DCAF5: variants seen among roughly 807,000 people sequenced by gnomAD.
DCAF5 encodes the protein DDB1 and CUL4 associated factor 5.
In DCAF5, 9 loss-of-function variants were observed where a neutral mutation model predicts 80.7. The ratio of observed to expected loss-of-function variants is 0.11; its 90% CI spans 0.07 to 0.19. DCAF5 has a LOEUF of 0.19. Among genes scored for constraint, DCAF5 ranks in the 10% least tolerant of loss-of-function variants. The probability of loss-of-function intolerance (pLI) is 1.00; values close to 1 mark genes in which losing one functional copy is unlikely to be tolerated. For missense variants in DCAF5, 842 were observed against 1,205.7 expected (o/e 0.70, Z 4.47); for synonymous variants, 433 against 461.9 (o/e 0.94, Z 0.80).
At chr14:69,136,535 A>AT (rs986973222) in intron 1 of DCAF5, among the ~76,000 whole-genome samples, 5 of 151,424 alleles carry the variant, frequency 3.3e-5, no homozygotes, top group African/African-American at 9.7e-5. Context: ...TCTTCTCGCT[A>AT]TTTTTTTTTA....
rs922653240 is a variant in DCAF5, at chr14:69,066,027, A to G, written c.947-3516T>C. ...ATAAATAAAATACCACATACCCAGG[A>G]AAAAGGATCTCATTCCTGAGCTGCC... On this transcript the variant is annotated intron_variant, in intron 7 of 8. Transcript: ENST00000341516. 5.3e-5 allele frequency among the ~76,000 whole-genome samples: 8 copies of G among 152,334 alleles called. No individual in the cohort carries two copies. In the South Asian group the frequency reaches 1.7e-3, roughly 32 times the overall value.
intron 6 of DCAF5, among the ~76,000 whole-genome samples, chr14:69,078,791 T>C (rs879332118): frequency 6.6e-6 from 1 of 152,040 alleles, no homozygotes; most frequent in African/African-American, 2.4e-5. Flanking sequence ...AGAGTTTCAG[T>C]TTGAGATGAA....
intron 1 of DCAF5, among the ~76,000 whole-genome samples, chr14:69,123,060 A>T (rs1464052628): frequency 6.6e-6 from 1 of 151,836 alleles, no homozygotes; most frequent in East Asian, 1.9e-4. Context: ...AAACCATAGC[A>T]AGCTCTACAC....
At chr14:69,073,765 T>A (rs2038792660) in intron 7 of DCAF5, among the ~76,000 whole-genome samples, 1 of 152,234 alleles carries the variant, frequency 6.6e-6, no homozygotes, top group Non-Finnish European at 1.5e-5. Context: ...AGAATAGTCC[T>A]GGGGAGAAGA....
At chr14:69,065,473 T>C (rs1021483254) in intron 7 of DCAF5, among the ~76,000 whole-genome samples, 4 of 152,060 alleles carry the variant, frequency 2.6e-5, no homozygotes, top group Admixed American at 2.6e-4. Flanking sequence ...ACCTAGGAAA[T>C]CTGAAAAAGA....
chr14:69,152,003 C>A lies in DCAF5; in HGVS notation c.214+762G>T, dbSNP rs1311498319. On this transcript the variant is annotated intron_variant, in intron 1 of 8. Coordinates refer to ENST00000341516, the MANE Select transcript of DCAF5 (RefSeq NM_003861.3). The surrounding 1 kb of genome is among the most constrained non-coding windows in gnomAD (Gnocchi z 4.1). ...AACGGGGTGCGGGGCGCCGGGCTCC[C>A]GCCAACAAGTCTCCCGGGGGTCCCC... 6.6e-6 allele frequency among the ~76,000 whole-genome samples: 1 copy of A among 152,190 alleles called. No homozygotes were observed. Among genetic ancestry groups the A allele is most frequent in the East Asian group, 1.9e-4 (1 of 5,190 alleles).
intron 8 of DCAF5, among the ~76,000 whole-genome samples, chr14:69,061,593 C>T (rs937188263): frequency 1.3e-5 from 2 of 152,204 alleles, no homozygotes; most frequent in African/African-American, 4.8e-5. Context: ...TCAATTACAA[C>T]CACATGCAGT....
chr14:69,071,267 T>C (rs1297422930), intron 7 of DCAF5, among the ~76,000 whole-genome samples: 1 of 152,186 alleles, frequency 6.6e-6, no homozygotes, highest in Non-Finnish European at 1.5e-5. Flanking sequence ...TATAGTATTG[T>C]TTATACAGTA....
chr14:69,098,665 C>T (rs1594992132), intron 5 of DCAF5, among the ~76,000 whole-genome samples: 1 of 146,616 alleles, frequency 6.8e-6, no homozygotes, highest in African/African-American at 2.5e-5. Flanking sequence ...AGGCGGATCA[C>T]GAGGTCAGGA....
chr14:69,107,474 A>G (rs1193443383), intron 5 of DCAF5, among the ~76,000 whole-genome samples: 1 of 152,234 alleles, frequency 6.6e-6, no homozygotes, highest in Non-Finnish European at 1.5e-5. Flanking sequence ...GGGTCCAGGA[A>G]GGAGTGCTTC....
At chr14:69,082,506 T>C (rs1198460577) in intron 6 of DCAF5, among the ~76,000 whole-genome samples, 2 of 152,154 alleles carry the variant, frequency 1.3e-5, no homozygotes, top group Non-Finnish European at 2.9e-5. Flanking sequence ...AACAGTCAAA[T>C]AATCAGCAGA....
intron 6 of DCAF5, chr14:69,090,828 A>C (rs1345507631): frequency 7.1e-6 from 3 of 423,204 alleles, no homozygotes; most frequent in African/African-American, 5.9e-5. Flanking sequence ...CATTAGCGAG[A>C]GACTAAGGTT....
At chr14:69,083,659 A>G in intron 6 of DCAF5, 1 of 604,258 alleles carries the variant, frequency 1.7e-6, no homozygotes, top group Admixed American at 2.4e-5. Context: ...ATCTCCCCAG[A>G]AATCCACCGT....
intron 1 of DCAF5, among the ~76,000 whole-genome samples, chr14:69,140,432 A>C (rs1413473335): frequency 6.6e-6 from 1 of 152,190 alleles, no homozygotes; most frequent in East Asian, 1.9e-4. Flanking sequence ...TTAAGCCTAT[A>C]ACATTTTTTT....
At chr14:69,124,053 G>A (rs149524986) in intron 1 of DCAF5, among the ~76,000 whole-genome samples, 4 of 152,184 alleles carry the variant, frequency 2.6e-5, no homozygotes, top group South Asian at 2.1e-4. Context: ...TAGGAACCTC[G>A]TATAAGTCAA....
At chr14:69,122,154 C>T (rs966320999) in intron 2 of DCAF5, 63 bp downstream of exon 2, 114 of 1,564,420 alleles carry the variant, frequency 7.3e-5, no homozygotes, top group Non-Finnish European at 8.8e-5. Flanking sequence ...GAGTTATTTT[C>T]GCACTCTTTT....
chr14:69,079,749 C>T (rs1026061263), intron 6 of DCAF5, among the ~76,000 whole-genome samples: 12 of 151,844 alleles, frequency 7.9e-5, no homozygotes, highest in African/African-American at 2.7e-4. Flanking sequence ...TGTTCCTGTC[C>T]CATGAAGCTT....
intron 1 of DCAF5, among the ~76,000 whole-genome samples, chr14:69,128,999 A>G (rs2040959414): frequency 6.6e-6 from 1 of 152,130 alleles, no homozygotes; most frequent in Non-Finnish European, 1.5e-5. Context: ...CTTTGTGCCC[A>G]ACTCATAACC....
At chr14:69,056,122 C>A (rs1375431618) in intron 8 of DCAF5, among the ~76,000 whole-genome samples, 1 of 152,214 alleles carries the variant, frequency 6.6e-6, no homozygotes, top group Non-Finnish European at 1.5e-5. Flanking sequence ...CCTATAGCTC[C>A]ACTTCTGCCC....
Sources: allele counts gnomAD v4.1 joint callset (sites outside exome capture counted in the v4.1 genomes callset), GRCh38; gene constraint gnomAD v4.1.1; non-coding constraint Gnocchi (gnomAD v3.1); transcripts MANE v1.5; gene names NCBI Gene and HGNC (gene_info 2026-07-23, HGNC 2026-07-21).